The following CALN1 variants were observed in gnomAD, a reference collection of about 807,000 sequenced individuals.
CALN1 encodes the protein calneuron 1.
A neutral mutation model predicts 30.6 loss-of-function variants in CALN1; 17 were observed. The observed-to-expected ratio is 0.56, with a 90% CI of 0.38 to 0.83. The LOEUF (loss-of-function observed/expected upper bound fraction) is 0.83, where lower values mean the gene tolerates loss of function less well. Among genes scored for constraint, CALN1 ranks in the 40% least tolerant of loss-of-function variants. CALN1 has a pLI of 0.00. For missense variants in CALN1, 291 were observed against 354.9 expected, an observed-to-expected ratio of 0.82 and a Z score of 1.45; for synonymous variants, 156 against 131.4, an observed-to-expected ratio of 1.19 and a Z score of -1.28.
At chr7:72,212,591 G>T (rs1473116087) in intron 3 of CALN1, among the ~76,000 whole-genome samples, 1 of 152,096 alleles carries the variant, frequency 6.6e-6, no homozygotes, top group Non-Finnish European at 1.5e-5. Context: ...AGGCTGACAG[G>T]ATTGCTTGAG....
Position 71,784,214 on chromosome 7 carries a change from C to T in CALN1, c.*3561G>A, listed in dbSNP as rs1012998293. 6.6e-6 allele frequency: 1 copy of T among 152,078 alleles called. No individual in the cohort carries two copies. The highest frequency in any genetic ancestry group is 6.6e-5 in the Admixed American group (1 of 15,262). The allele number at this position is 152,078 out of a possible 1,614,324, so 9.4% of individuals were successfully genotyped here. On this transcript the variant is annotated 3_prime_UTR_variant, in exon 7 of 7. Coordinates refer to ENST00000395275, the MANE Select transcript of CALN1 (RefSeq NM_031468.4). ...AGGGCTTACAGGTAGCTCCTGCTCT[C>T]CTGAGTAAATAGAAGGACAAGTTCA... is the stretch of plus-strand genomic sequence containing the variant.
At chr7:71,828,003 A>G (rs893992571) in intron 5 of CALN1, among the ~76,000 whole-genome samples, 2 of 152,092 alleles carry the variant, frequency 1.3e-5, no homozygotes, top group Admixed American at 1.3e-4. Flanking sequence ...GTGTTTCCAC[A>G]ATGAATATGT....
chr7:72,326,425 C>A (rs2129557698), intron 2 of CALN1, among the ~76,000 whole-genome samples: 1 of 152,312 alleles, frequency 6.6e-6, no homozygotes, highest in South Asian at 2.1e-4. Context: ...GCAGATGACA[C>A]CTACTAAGCA....
intron 3 of CALN1, among the ~76,000 whole-genome samples, chr7:72,251,363 C>T (rs756596828): frequency 6.6e-6 from 1 of 152,100 alleles, no homozygotes; most frequent in Non-Finnish European, 1.5e-5. Flanking sequence ...TGAGCAGTTA[C>T]ACCGGGACAT....
upstream of CALN1, among the ~76,000 whole-genome samples, chr7:72,451,845 TA>T (rs33986963): frequency 8.6e-4 from 129 of 150,054 alleles, no homozygotes; most frequent in African/African-American, 2.1e-3. Flanking sequence ...TGTGGTGAAT[TA>T]AAAAAAAAAA....
the CALN1 span, among the ~76,000 whole-genome samples, chr7:72,466,248 T>A: frequency 6.6e-6 from 1 of 152,082 alleles, no homozygotes; most frequent in Non-Finnish European, 1.5e-5. Context: ...GTGGTGTGTG[T>A]GTGTGTGTGT....
chr7:72,466,000 G>C, the CALN1 span, among the ~76,000 whole-genome samples: 1 of 152,158 alleles, frequency 6.6e-6, no homozygotes, highest in Non-Finnish European at 1.5e-5. Flanking sequence ...ACAAAGATGA[G>C]AAACAGGATC....
At chr7:72,402,253 T>A (rs1382785247) in intron 2 of CALN1, among the ~76,000 whole-genome samples, 1 of 152,270 alleles carries the variant, frequency 6.6e-6, no homozygotes, top group Non-Finnish European at 1.5e-5. Flanking sequence ...GAGAAGATTC[T>A]GAACAGAGTC....
chr7:72,171,523 G>T (rs1397067397), intron 3 of CALN1, among the ~76,000 whole-genome samples: 1 of 152,030 alleles, frequency 6.6e-6, no homozygotes, highest in Non-Finnish European at 1.5e-5. Flanking sequence ...GTAACAAATG[G>T]CTGACAAATG....
chr7:72,450,517 G>T (rs953037789), upstream of CALN1, among the ~76,000 whole-genome samples: 3 of 152,192 alleles, frequency 2.0e-5, no homozygotes, highest in Non-Finnish European at 4.4e-5. Flanking sequence ...GTCTGCAGGG[G>T]AGTTCCAAAC....
intron 2 of CALN1, among the ~76,000 whole-genome samples, chr7:72,352,851 C>T (rs1310547984): frequency 6.6e-6 from 1 of 151,544 alleles, no homozygotes; most frequent in Non-Finnish European, 1.5e-5. Flanking sequence ...ATTAATAAAC[C>T]TGTAGCTAAC....
intron 4 of CALN1, among the ~76,000 whole-genome samples, chr7:72,074,645 T>C (rs1804614502): frequency 6.6e-6 from 1 of 152,168 alleles, no homozygotes; most frequent in Non-Finnish European, 1.5e-5. Context: ...TGACCTCAGA[T>C]GATCCGCCCA....
intron 3 of CALN1, among the ~76,000 whole-genome samples, chr7:72,111,035 C>T (rs1235425461): frequency 6.6e-6 from 1 of 152,192 alleles, no homozygotes; most frequent in African/African-American, 2.4e-5. Flanking sequence ...TTCACCGAAA[C>T]GTACTCCTTC....
At chr7:72,205,549 A>AG (rs1275919804) in intron 3 of CALN1, among the ~76,000 whole-genome samples, 1 of 59,916 alleles carries the variant, frequency 1.7e-5, no homozygotes, top group Admixed American at 2.0e-4. Context: ...TTGCAAAAAA[A>AG]AAATATATAT....
chr7:72,300,296 A>G (rs1799163632), intron 2 of CALN1, among the ~76,000 whole-genome samples: 1 of 152,208 alleles, frequency 6.6e-6, no homozygotes, highest in South Asian at 2.1e-4. Flanking sequence ...AAGTCTGAAA[A>G]AAATAGTTCT....
intron 6 of CALN1, among the ~76,000 whole-genome samples, chr7:71,809,069 C>G (rs887121013): frequency 3.3e-5 from 5 of 152,240 alleles, no homozygotes; most frequent in African/African-American, 1.2e-4. Context: ...AGGACCACAG[C>G]TGGGTTTTGT....
rs1792688056 is a variant in CALN1, at chr7:71,781,046, C to G, written c.*6729G>C. 1 of 152,218 alleles carries G rather than the reference C, an allele frequency of 6.6e-6. No homozygotes were observed. The highest frequency in any genetic ancestry group is 1.5e-5 in the Non-Finnish European group (1 of 68,044). The allele number at this position is 152,218 out of a possible 1,614,324, so 9.4% of individuals were successfully genotyped here. On this transcript the variant is annotated 3_prime_UTR_variant, in exon 7 of 7. Transcript: ENST00000395275. ...GCGGACACCAAAAGAGAGACTTTATCACAACTGCCTCTTGGGACTTGTGTT... is the reference window on the plus strand; with the variant it reads ...GCGGACACCAAAAGAGAGACTTTATGACAACTGCCTCTTGGGACTTGTGTT...
At chr7:72,306,131 C>T (rs533601225) in intron 2 of CALN1, among the ~76,000 whole-genome samples, 1 of 152,268 alleles carries the variant, frequency 6.6e-6, no homozygotes, top group East Asian at 1.9e-4. Flanking sequence ...CAAACTGACA[C>T]TGGTATAACA....
At chr7:72,226,920 C>T (rs1284066351) in intron 3 of CALN1, among the ~76,000 whole-genome samples, 1 of 152,002 alleles carries the variant, frequency 6.6e-6, no homozygotes, top group Non-Finnish European at 1.5e-5. Context: ...GTCTATAGTT[C>T]CAGCTACCTG....
Sources: gnomAD v4.1 joint callset for allele counts (sites outside exome capture counted in the v4.1 genomes callset) on GRCh38, gnomAD v4.1.1 for gene constraint, MANE v1.5 for transcripts, NCBI Gene and HGNC (gene_info 2026-07-23, HGNC 2026-07-21) for gene names.